The following RNF144A variants were observed in gnomAD, a reference collection of about 807,000 sequenced individuals.
The protein encoded by RNF144A is ring finger protein 144A.
A neutral mutation model predicts 38.7 loss-of-function variants in RNF144A; 11 were observed. That is an observed-to-expected ratio of 0.28 (90% CI 0.18 to 0.47). RNF144A has a LOEUF of 0.47. Among genes scored for constraint, RNF144A ranks in the 20% least tolerant of loss-of-function variants. The pLI is 0.99. For synonymous variants in RNF144A, 149 were observed against 143.9 expected (o/e 1.04, Z -0.25); for missense variants, 316 against 377.2 (o/e 0.84, Z 1.34).
At chr2:6,975,364 A>G (rs948586870) in intron 2 of RNF144A, among the ~76,000 whole-genome samples, 1 of 152,202 alleles carries the variant, frequency 6.6e-6, no homozygotes, top group Non-Finnish European at 1.5e-5. Context: ...GGGAGCTACA[A>G]GATGAGATTT....
Position 7,030,052 on chromosome 2 carries a change from A to T in RNF144A, c.658-74A>T. 2.9e-6 allele frequency: 3 copies of T among 1,023,010 alleles called. 1 individual carries two copies. The highest frequency in any genetic ancestry group is 2.1e-4 in the Middle Eastern group (1 of 4,810). The allele number at this position is 1,023,010 out of a possible 1,614,324, so 63.4% of individuals were successfully genotyped here. A position where few individuals can be genotyped will look rare whatever the true frequency, so the allele number is the denominator to read the frequency against. On this transcript the variant is annotated intron_variant, in intron 7 of 8. Coordinates refer to ENST00000320892, the MANE Select transcript of RNF144A (RefSeq NM_014746.6). Reference sequence around the variant, plus strand: ...ATCATGAGCATAGGAGAAGAAATGCATCAATGGCTGTGATACTCACCGAAC... The same window carrying T: ...ATCATGAGCATAGGAGAAGAAATGCTTCAATGGCTGTGATACTCACCGAAC...
Position 7,039,864 on chromosome 2 carries a change from G to C in RNF144A, c.*104G>C, listed in dbSNP as rs1208243042. 1.3e-6 allele frequency: 2 copies of C among 1,498,696 alleles called. No homozygotes were observed. The highest frequency in any genetic ancestry group is 2.8e-5 in the African/African-American group (2 of 71,744). The allele number at this position is 1,498,696 out of a possible 1,614,324, so 92.8% of individuals were successfully genotyped here. On this transcript the variant is annotated 3_prime_UTR_variant, in exon 9 of 9. Coordinates refer to ENST00000320892, the MANE Select transcript of RNF144A (RefSeq NM_014746.6). ...ACTAAACATCTTTCTTGCCTTATGT[G>C]CCCCATTGAGCTTCACAGTGTCAGG... is the stretch of plus-strand genomic sequence containing the variant.
intron 2 of RNF144A, among the ~76,000 whole-genome samples, chr2:6,982,836 G>A (rs973557469): frequency 5.9e-5 from 9 of 152,182 alleles, no homozygotes; most frequent in African/African-American, 1.7e-4. Flanking sequence ...TCGGGTTTCT[G>A]TGCTTGTTTT....
chr2:7,039,577 G>C, intron 8 of RNF144A, 52 bp from the exon 9 acceptor site: 1 of 1,602,230 alleles, frequency 6.2e-7, no homozygotes, highest in Non-Finnish European at 8.5e-7. Context: ...TTTAGCTCTG[G>C]AACCTACAGA....
At position 7,041,651 on chromosome 2, in the gene RNF144A, G is replaced by A. The variant is rs1206679114; in HGVS notation, c.*1891G>A. On this transcript the variant is annotated 3_prime_UTR_variant, in exon 9 of 9. Coordinates refer to ENST00000320892, the MANE Select transcript of RNF144A (RefSeq NM_014746.6). ...CTTGAGCCCTCAGCCTGTGATATGT[G>A]GATGCAGCTGTCCAGCCACTGCCCT... 8.1e-6 allele frequency: 8 copies of A among 985,464 alleles called. No homozygotes were observed. The highest frequency in any genetic ancestry group is 9.6e-6 in the Non-Finnish European group (8 of 829,972). 61.0% of individuals were successfully genotyped at this position (985,464 alleles called of 1,614,324 possible).
rs965750086 is a variant in RNF144A at position 6,944,704 on chromosome 2, A to G, written c.-12+3557A>G. 6.6e-6 allele frequency among the ~76,000 whole-genome samples: 1 copy of G among 152,086 alleles called. No homozygotes were observed. The highest frequency in any genetic ancestry group is 6.6e-5 in the Admixed American group (1 of 15,260). ...GGGAGACATTAAAGAACCCTGGAGA[A>G]AACACATCACGAGGCCAAGTAGAAT... On this transcript the variant is annotated intron_variant, in intron 2 of 8. Coordinates refer to ENST00000320892, the MANE Select transcript of RNF144A (RefSeq NM_014746.6). The surrounding 1 kb of genome is among the most constrained non-coding windows in gnomAD (Gnocchi z 4.7).
rs550720704 is a variant in RNF144A at position 7,034,554 on chromosome 2, C to T, written c.747+4339C>T. Among the ~76,000 whole-genome samples, 61 of 152,362 alleles carry T rather than the reference C, an allele frequency of 4.0e-4. 2 individuals are homozygous for T. The South Asian group carries it at 0.012, about 30-fold the overall frequency. On this transcript the variant is annotated intron_variant, in intron 8 of 8. Transcript: ENST00000320892. ...TCCTCCGGGCTGCTACGGCACTGAG[C>T]GTGCTCCCAAGTGCAGTGCTGTGAA... is the stretch of plus-strand genomic sequence containing the variant.
chr2:6,952,205 A>G (rs1003868934), intron 2 of RNF144A, among the ~76,000 whole-genome samples: 7 of 152,132 alleles, frequency 4.6e-5, no homozygotes, highest in African/African-American at 1.7e-4. Flanking sequence ...TTACGCTTAC[A>G]ATATATTCCA....
At chr2:7,058,820 T>C (rs761919586) in intron 6 of RNF144A, among the ~76,000 whole-genome samples, 10 of 152,218 alleles carry the variant, frequency 6.6e-5, no homozygotes, top group African/African-American at 2.2e-4. Flanking sequence ...TGCAATGTTT[T>C]TGTTAAACAG....
chr2:6,988,478 A>C (rs1669097482), intron 2 of RNF144A, among the ~76,000 whole-genome samples: 1 of 152,172 alleles, frequency 6.6e-6, no homozygotes, highest in African/African-American at 2.4e-5. Flanking sequence ...AATTTTATAG[A>C]ATATTCTTGA....
chr2:7,071,219 A>T (rs2103486110), downstream of RNF144A, among the ~76,000 whole-genome samples: 1 of 152,278 alleles, frequency 6.6e-6, no homozygotes, highest in Non-Finnish European at 1.5e-5. Flanking sequence ...TACAGGCATG[A>T]GCCACCGTGC....
At chr2:7,000,942 A>C (rs192035352) in intron 3 of RNF144A, among the ~76,000 whole-genome samples, 1 of 151,916 alleles carries the variant, frequency 6.6e-6, no homozygotes, top group Non-Finnish European at 1.5e-5. Context: ...GCAATTAGGA[A>C]TTTTGCCATT....
downstream of RNF144A, among the ~76,000 whole-genome samples, chr2:7,047,750 A>G (rs76547076): frequency 0.021 from 3,230 of 152,300 alleles, 117 homozygotes; most frequent in African/African-American, 0.074. Flanking sequence ...AGAAATCCCT[A>G]TTGTGAGCTG....
At chr2:7,057,975 G>A (rs1431312300) in intron 6 of RNF144A, among the ~76,000 whole-genome samples, 1 of 152,198 alleles carries the variant, frequency 6.6e-6, no homozygotes, top group African/African-American at 2.4e-5. Context: ...AAACGATGGA[G>A]TAGAAGTGAA....
intron 6 of RNF144A, among the ~76,000 whole-genome samples, chr2:7,055,516 T>C (rs1673709333): frequency 6.6e-6 from 1 of 152,114 alleles, no homozygotes; most frequent in Admixed American, 6.5e-5. Context: ...CACTCACACA[T>C]CTAATCTTTC....
chr2:6,936,986 C>T (rs1333038054), intron 1 of RNF144A, among the ~76,000 whole-genome samples: 3 of 152,034 alleles, frequency 2.0e-5, no homozygotes, highest in African/African-American at 7.2e-5. Context: ...TGTCTGAGCA[C>T]ATGGTCGGGG....
intron 3 of RNF144A, among the ~76,000 whole-genome samples, chr2:7,005,631 G>T (rs564195587): frequency 1.3e-5 from 2 of 152,284 alleles, no homozygotes; most frequent in Non-Finnish European, 2.9e-5. Flanking sequence ...ACAGCTTCCT[G>T]ACCTCCTTTG....
intron 8 of RNF144A, among the ~76,000 whole-genome samples, chr2:7,033,267 G>A (rs1672446312): frequency 6.6e-6 from 1 of 152,256 alleles, no homozygotes; most frequent in Non-Finnish European, 1.5e-5. Flanking sequence ...ATCAGCCGGG[G>A]CAGCTCTGAA....
At chr2:7,045,742 G>A (rs186818780), downstream of RNF144A, among the ~76,000 whole-genome samples, 2 of 152,322 alleles carry the variant, frequency 1.3e-5, no homozygotes, top group African/African-American at 4.8e-5. Flanking sequence ...CTCTGAGTGG[G>A]CTGTCTGGCC....
Sources: allele counts gnomAD v4.1 joint callset (sites outside exome capture counted in the v4.1 genomes callset), GRCh38; gene constraint gnomAD v4.1.1; non-coding constraint Gnocchi (gnomAD v3.1); transcripts MANE v1.5; gene names NCBI Gene and HGNC (gene_info 2026-07-23, HGNC 2026-07-21).